Variants in COLGALT1 observed in about 807,000 individuals in gnomAD.
COLGALT1 encodes the protein procollagen galactosyltransferase 1.
A neutral mutation model predicts 60.8 loss-of-function variants in COLGALT1; 43 were observed. The observed-to-expected ratio is 0.71, with a 90% CI of 0.55 to 0.91. The LOEUF is 0.91. Among genes scored for constraint, COLGALT1 ranks in the 40% least tolerant of loss-of-function variants. The pLI, the probability that COLGALT1 is intolerant of heterozygous loss-of-function variation, is 0.00. For missense variants in COLGALT1, 845 were observed against 880.0 expected (o/e 0.96, Z 0.50); for synonymous variants, 369 against 374.2 (o/e 0.99, Z 0.16).
At chr19:17,565,265 C>T (rs2076273933) in intron 3 of COLGALT1, among the ~76,000 whole-genome samples, 1 of 151,992 alleles carries the variant, frequency 6.6e-6, no homozygotes, top group African/African-American at 2.4e-5. Context: ...AAGCGATTCT[C>T]CTGCGTTAGT....
chr19:17,581,500 A>G lies in COLGALT1; in HGVS notation c.*56A>G, dbSNP rs1415283591. Reference sequence around the variant, plus strand: ...TCGGTGGCCCAGGCTCCACGTGCTTACTGAGGACATCAGGTCCACCTCTGG... The same window carrying G: ...TCGGTGGCCCAGGCTCCACGTGCTTGCTGAGGACATCAGGTCCACCTCTGG... On this transcript the variant is annotated 3_prime_UTR_variant, in exon 12 of 12. Coordinates refer to ENST00000252599, the MANE Select transcript of COLGALT1 (RefSeq NM_024656.4). The G allele has an allele frequency of 5.8e-6, 9 of 1,562,846 alleles. No individual in the cohort carries two copies. The highest frequency in any genetic ancestry group is 2.7e-5 in the African/African-American group (2 of 74,248).
rs2076382588 is a variant in COLGALT1 at position 17,581,496 on chromosome 19, GCTTA to G, written c.*55_*58del. ...GCCATCGGTGGCCCAGGCTCCACGTGCTTACTGAGGACATCAGGTCCACCTCTGG... is the reference window on the plus strand; with the variant it reads ...GCCATCGGTGGCCCAGGCTCCACGTGCTGAGGACATCAGGTCCACCTCTGG... On this transcript the variant is annotated 3_prime_UTR_variant, in exon 12 of 12. Transcript: ENST00000252599. The G allele has an allele frequency of 6.4e-7, 1 of 1,565,274 alleles. No homozygotes were observed. The highest frequency in any genetic ancestry group is 1.3e-5 in the African/African-American group (1 of 74,320).
intron 2 of COLGALT1, 112 bp from the exon 3 acceptor site, chr19:17,560,236 T>G: frequency 1.3e-6 from 1 of 746,208 alleles, no homozygotes; most frequent in Non-Finnish European, 2.3e-6. Flanking sequence ...CAGATCAGCT[T>G]ACACGTCCCC....
At chr19:17,570,285 C>T (rs951766201) in intron 5 of COLGALT1, among the ~76,000 whole-genome samples, 2 of 151,900 alleles carry the variant, frequency 1.3e-5, no homozygotes, top group African/African-American at 4.8e-5. Context: ...TGTCACCCAG[C>T]CTGGAGTGCA....
chr19:17,565,355 C>T (rs1041142948), intron 3 of COLGALT1, among the ~76,000 whole-genome samples: 4 of 151,862 alleles, frequency 2.6e-5, no homozygotes, highest in South Asian at 2.1e-4. Context: ...TTAGTAGAGA[C>T]GGGGTTTCAC....
intron 6 of COLGALT1, among the ~76,000 whole-genome samples, chr19:17,575,033 A>C (rs1278777945): frequency 6.6e-6 from 1 of 151,696 alleles, no homozygotes; most frequent in African/African-American, 2.4e-5. Flanking sequence ...CTAATTTGTT[A>C]ATTTAGGTTT....
At chr19:17,556,611 T>G (rs559522477) in intron 1 of COLGALT1, 1 of 895,222 alleles carries the variant, frequency 1.1e-6, no homozygotes, top group East Asian at 1.2e-4. Context: ...CTGCCTCAGT[T>G]TTCTCAAATG....
In COLGALT1 at chr19:17,559,248, C is replaced by T. The variant is rs867629501; in HGVS notation, c.261-63C>T. 4 of 1,227,356 alleles carry T rather than the reference C, an allele frequency of 3.3e-6. No individual in the cohort carries two copies. The African/African-American group carries it at 6.0e-5, about 18-fold the overall frequency. 76.0% of individuals were successfully genotyped at this position (1,227,356 alleles called of 1,614,324 possible). The stretch of plus-strand genomic sequence containing the variant: ...TTGGGGATGGTGGTCCTTGACTTGC[C>T]TCACTGCTGCCTGGTCCTGCCTCAG... On this transcript the variant is annotated intron_variant, in intron 1 of 11. Coordinates refer to ENST00000252599, the MANE Select transcript of COLGALT1 (RefSeq NM_024656.4).
rs1371508135 is a variant in COLGALT1 at position 17,555,983 on chromosome 19, G to T, written c.260+10G>T. The T allele has an allele frequency of 1.5e-6, 2 of 1,328,398 alleles. No homozygotes were observed. Among genetic ancestry groups the T allele is most frequent in the Non-Finnish European group, 1.9e-6 (2 of 1,036,788 alleles). 82.3% of individuals were successfully genotyped at this position (1,328,398 alleles called of 1,614,324 possible). A position where few individuals can be genotyped will look rare whatever the true frequency, so the allele number is the denominator to read the frequency against. ...AGCGCACGGCGCTATGGTGAGTCGA[G>T]CCCGCTGTCCCCATCAGGCGGGTCA... is the stretch of plus-strand genomic sequence containing the variant. On this transcript the variant is annotated intron_variant, in intron 1 of 11. Transcript: ENST00000252599.
intron 5 of COLGALT1, chr19:17,572,024 T>C (rs1021344689): frequency 6.5e-6 from 1 of 154,128 alleles, no homozygotes; most frequent in Non-Finnish European, 1.4e-5. Context: ...TTAAAATTAT[T>C]TGTAGAGCCG....
At chr19:17,568,790 A>G in intron 5 of COLGALT1, 77 bp downstream of exon 5, 1 of 1,373,272 alleles carries the variant, frequency 7.3e-7, no homozygotes, top group Non-Finnish European at 1.0e-6. Context: ...AGTTCAGAAC[A>G]CACTGAAGAT....
chr19:17,572,296 T>C (rs1277369039), intron 5 of COLGALT1, among the ~76,000 whole-genome samples, 187 bp from the exon 6 acceptor site: 1 of 140,714 alleles, frequency 7.1e-6, no homozygotes, highest in African/African-American at 2.5e-5. Context: ...AGAGTGAGAC[T>C]CTGTCTTAAA....
Position 17,572,492 on chromosome 19 carries a change from T to C in COLGALT1, c.839T>C (p.Met280Thr). Residue 280 changes from methionine (M) to threonine (T), a missense_variant, in exon 6 of 12, where the codon ATG becomes ACG. Met to Thr is a moderately conservative substitution (Grantham distance 81, BLOSUM62 -1). Transcript: ENST00000252599. ...TCCCTGCCCACTGCAGAGGTTCAGA[T>C]GTATGTGTGCAACAAGGAGGAGTAC... is the stretch of plus-strand genomic sequence containing the variant. ...AFSCKQAEVQ[M>T]YVCNKEEYGF... 1.2e-6 allele frequency: 2 copies of C among 1,614,144 alleles called. No homozygotes were observed. Among genetic ancestry groups the C allele is most frequent in the South Asian group, 1.1e-5 (1 of 91,090 alleles).
rs1244742311 is a variant in COLGALT1, at chr19:17,581,270, T to C, written c.1695T>C (p.Asp565=). ...LIYPTHYTGD[D]GYVSDTETSV... is the part of the protein sequence containing the mutation. ...ACCCCACACACTACACAGGAGACGA[T>C]GGCTATGTGAGTGACACCGAGACCT... Residue 565 remains aspartate, a synonymous_variant, in exon 12 of 12, where the codon GAT becomes GAC. Coordinates refer to ENST00000252599, the MANE Select transcript of COLGALT1 (RefSeq NM_024656.4). 6.2e-7 allele frequency: 1 copy of C among 1,612,368 alleles called. No homozygotes were observed. The highest frequency in any genetic ancestry group is 1.1e-5 in the South Asian group (1 of 91,044).
At chr19:17,578,760 C>T (rs1384674678) in intron 9 of COLGALT1, among the ~76,000 whole-genome samples, 1 of 152,180 alleles carries the variant, frequency 6.6e-6, no homozygotes, top group African/African-American at 2.4e-5. Context: ...CCTGTAATCT[C>T]AGCACTTTGG....
intron 6 of COLGALT1, among the ~76,000 whole-genome samples, chr19:17,575,060 TTA>T (rs1224962936): frequency 9.2e-5 from 14 of 152,202 alleles, no homozygotes; most frequent in Admixed American, 2.6e-4. Flanking sequence ...TTTTTGGTTT[TTA>T]TTTTTTTGAG....
At position 17,567,397 on chromosome 19, in the gene COLGALT1, G is replaced by A. The variant is rs767808780; in HGVS notation, c.490-9G>A. Reference sequence around the variant, plus strand: ...AGCCCATGCTGATGCTTTGTGGGGTGTTCTGCAGTTTGTAGATGCGGACAA... The same window carrying A: ...AGCCCATGCTGATGCTTTGTGGGGTATTCTGCAGTTTGTAGATGCGGACAA... On this transcript the variant is annotated splice_polypyrimidine_tract_variant and intron_variant, in intron 3 of 11. Coordinates refer to ENST00000252599, the MANE Select transcript of COLGALT1 (RefSeq NM_024656.4). 81 of 1,613,134 alleles carry A rather than the reference G, an allele frequency of 5.0e-5. No homozygotes were observed. Among genetic ancestry groups the A allele is most frequent in the East Asian group, 1.1e-4 (5 of 44,854 alleles).
chr19:17,555,792 C>A lies in COLGALT1; in HGVS notation c.79C>A (p.Pro27Thr), dbSNP rs1236594578. 5 of 1,246,464 alleles carry A rather than the reference C, an allele frequency of 4.0e-6. No homozygotes were observed. The highest frequency in any genetic ancestry group is 5.0e-6 in the Non-Finnish European group (5 of 995,140). The allele number at this position is 1,246,464 out of a possible 1,614,324, so 77.2% of individuals were successfully genotyped here. A position where few individuals can be genotyped will look rare whatever the true frequency, so the allele number is the denominator to read the frequency against. The change falls in exon 1 of 12, where the codon CCG becomes ACG. Residue 27 changes from proline to threonine, a missense_variant. By Grantham distance (38) the Pro-to-Thr change is conservative. Transcript: ENST00000252599. ...GCTGCTTCTGCTGCTGGCGCCACTG[C>A]CGCCGGGGGCCCCGCCGGGCGCCGA... ...ALLLLLLAPL[P>T]PGAPPGADAY...
chr19:17,568,744 G>A, intron 5 of COLGALT1, 31 bp downstream of exon 5: 1 of 1,609,066 alleles, frequency 6.2e-7, no homozygotes, highest in Admixed American at 1.7e-5. Flanking sequence ...CCATCGCAGG[G>A]GCATCTGCCT....
Sources: gnomAD v4.1 joint callset for allele counts (sites outside exome capture counted in the v4.1 genomes callset) on GRCh38, gnomAD v4.1.1 for gene constraint, MANE v1.5 for transcripts, NCBI Gene and HGNC (gene_info 2026-07-23, HGNC 2026-07-21) for gene names.